ARMC9: variants seen among roughly 807,000 people sequenced by gnomAD.
ARMC9 encodes lisH domain-containing protein ARMC9.
ARMC9 carries 94 observed loss-of-function variants against 107.0 expected under a neutral mutation model. The observed-to-expected ratio is 0.88, with a 90% confidence interval of 0.74 to 1.04. The LOEUF (loss-of-function observed/expected upper bound fraction) is 1.04, where lower values mean the gene tolerates loss of function less well. ARMC9 is among the 50% of genes least tolerant of loss of function. The pLI is 0.00. For missense variants in ARMC9, 942 were observed against 1,030.1 expected (o/e 0.91, Z 1.17); for synonymous variants, 380 against 396.9 (o/e 0.96, Z 0.51).
At chr2:231,330,282 C>T (rs947878936) in intron 19 of ARMC9, among the ~76,000 whole-genome samples, 4 of 143,166 alleles carry the variant, frequency 2.8e-5, no homozygotes, top group African/African-American at 1.0e-4. Context: ...GACTGAAGTA[C>T]GATGGCGCAA....
chr2:231,236,587 A>G (rs1227841494), intron 8 of ARMC9, among the ~76,000 whole-genome samples: 1 of 152,190 alleles, frequency 6.6e-6, no homozygotes, highest in African/African-American at 2.4e-5. Context: ...ACTTGAGGCC[A>G]GAAGTTTGAA....
chr2:231,290,406 G>A (rs984114204), intron 17 of ARMC9, among the ~76,000 whole-genome samples: 1 of 152,188 alleles, frequency 6.6e-6, no homozygotes, highest in East Asian at 1.9e-4. Context: ...TCATGTAACT[G>A]AAAAGTCCAG....
intron 12 of ARMC9, among the ~76,000 whole-genome samples, chr2:231,263,370 A>G (rs982329255): frequency 6.6e-6 from 1 of 152,256 alleles, no homozygotes; most frequent in African/African-American, 2.4e-5. Flanking sequence ...GAAGTCCAAG[A>G]GCATGGCGCC....
intron 21 of ARMC9, among the ~76,000 whole-genome samples, chr2:231,345,612 G>T (rs760341913): frequency 6.6e-6 from 1 of 152,142 alleles, no homozygotes; most frequent in Admixed American, 6.5e-5. Flanking sequence ...AGAGCCTCTG[G>T]TCTCCCTGGG....
At chr2:231,231,309 A>G (rs1357442660) in intron 7 of ARMC9, among the ~76,000 whole-genome samples, 2 of 152,226 alleles carry the variant, frequency 1.3e-5, no homozygotes, top group Non-Finnish European at 2.9e-5. Context: ...GATTATGAAT[A>G]GTATTCTGTA....
intron 6 of ARMC9, among the ~76,000 whole-genome samples, chr2:231,225,384 T>C (rs2034546895): frequency 6.6e-6 from 1 of 152,178 alleles, no homozygotes; most frequent in South Asian, 2.1e-4. Context: ...GAAACATACA[T>C]ATGTCCACAA....
chr2:231,312,166 G>T (rs1027450697), intron 19 of ARMC9, among the ~76,000 whole-genome samples: 1 of 152,134 alleles, frequency 6.6e-6, no homozygotes, highest in African/African-American at 2.4e-5. Context: ...GGCTTCATTC[G>T]GCTGGATGTC....
intron 23 of ARMC9, among the ~76,000 whole-genome samples, chr2:231,369,725 C>T (rs1348769225): frequency 1.3e-5 from 2 of 151,956 alleles, no homozygotes; most frequent in Non-Finnish European, 2.9e-5. Flanking sequence ...TCCTGAGGAG[C>T]TGGAATTACA....
chr2:231,342,671 G>A (rs1024856144), intron 20 of ARMC9, among the ~76,000 whole-genome samples: 1 of 152,156 alleles, frequency 6.6e-6, no homozygotes, highest in African/African-American at 2.4e-5. Context: ...GGGGAAGTGG[G>A]GTGGAAGGGA....
intron 15 of ARMC9, 66 bp from the exon 16 acceptor site, chr2:231,278,316 A>G (rs1005821477): frequency 1.9e-5 from 29 of 1,518,672 alleles, no homozygotes; most frequent in Non-Finnish European, 2.5e-5. Flanking sequence ...CTCCAAGTCT[A>G]CCTGACCTAA....
In ARMC9 at chr2:231,376,107, T is replaced by TCCTGTCAG. The variant is rs1332416527; in HGVS notation, c.*4574_*4581dup. Reference sequence around the variant, plus strand: ...GCCTGTCTTTACTTTAATCTCTTAATCCTGTCAGCTGAGGGGGATGTATGT... The same window carrying TCCTGTCAG: ...GCCTGTCTTTACTTTAATCTCTTAATCCTGTCAGCCTGTCAGCTGAGGGGGATGTATGT... On this transcript the variant is annotated 3_prime_UTR_variant, in exon 25 of 25. Coordinates refer to ENST00000611582, the MANE Select transcript of ARMC9 (RefSeq NM_001352754.2). 6.6e-6 allele frequency among the ~76,000 whole-genome samples: 1 copy of TCCTGTCAG among 152,194 alleles called. No individual in the cohort carries two copies. The highest frequency in any genetic ancestry group is 6.5e-5 in the Admixed American group (1 of 15,276).
intron 19 of ARMC9, among the ~76,000 whole-genome samples, chr2:231,301,929 A>G (rs1267873911): frequency 6.6e-6 from 1 of 152,108 alleles, no homozygotes; most frequent in Non-Finnish European, 1.5e-5. Context: ...CAGTGATCCA[A>G]CATCACGCCG....
rs576170640 is a variant in ARMC9 at position 231,317,875 on chromosome 2, G to A, written c.1774-13918G>A. On this transcript the variant is annotated intron_variant, in intron 19 of 24. Coordinates refer to ENST00000611582, the MANE Select transcript of ARMC9 (RefSeq NM_001352754.2). ...GTCTATTTTTCTGTTGAGATTTCCC[G>A]TTTTTCACTGATTTTCAGTATTTTT... Among the ~76,000 whole-genome samples the A allele has an allele frequency of 2.2e-4, 34 of 151,804 alleles. 1 individual carries two copies. Among genetic ancestry groups the A allele is most frequent in the African/African-American group, 4.4e-4 (18 of 41,372 alleles).
chr2:231,282,038 G>T (rs557514699), intron 16 of ARMC9, 21 bp from the exon 17 acceptor site: 59 of 1,611,836 alleles, frequency 3.7e-5, no homozygotes, highest in South Asian at 3.4e-4. Context: ...CAAATAACTG[G>T]TTTTTTTCCT....
At chr2:231,369,890 G>A (rs923584436) in intron 23 of ARMC9, 63 bp from the exon 24 acceptor site, 23 of 1,369,130 alleles carry the variant, frequency 1.7e-5, no homozygotes, top group East Asian at 8.5e-5. Flanking sequence ...CACCACACCC[G>A]GCCCCTCCTG....
At chr2:231,233,606 G>A (rs555608435) in intron 7 of ARMC9, among the ~76,000 whole-genome samples, 30 of 152,060 alleles carry the variant, frequency 2.0e-4, no homozygotes, top group African/African-American at 6.0e-4. Context: ...AAGAAACCCC[G>A]TCTGTACTAA....
intron 4 of ARMC9, 181 bp downstream of exon 4, chr2:231,215,182 A>G (rs371777217): frequency 1.7e-5 from 10 of 591,728 alleles, no homozygotes; most frequent in South Asian, 6.9e-5. Context: ...TTATATTCTA[A>G]TTTCTATGGA....
Position 231,371,631 on chromosome 2 carries a change from G to A in ARMC9, c.*96G>A, listed in dbSNP as rs927161098. ...TGCCGGTGATGGATGTGAAGGGACA[G>A]TTGTCCACAAGACTCTGGGAGCTGA... On this transcript the variant is annotated 3_prime_UTR_variant, in exon 25 of 25. Coordinates refer to ENST00000611582, the MANE Select transcript of ARMC9 (RefSeq NM_001352754.2). 15 of 1,160,754 alleles carry A rather than the reference G, an allele frequency of 1.3e-5. No individual in the cohort carries two copies. In the African/African-American group the frequency reaches 2.1e-4, roughly 16 times the overall value. The allele number at this position is 1,160,754 out of a possible 1,614,324, so 71.9% of individuals were successfully genotyped here.
chr2:231,259,942 G>A (rs556799522), intron 11 of ARMC9, among the ~76,000 whole-genome samples: 251 of 152,300 alleles, frequency 1.6e-3, no homozygotes, highest in Middle Eastern at 0.01. Flanking sequence ...GTTGCAGTGA[G>A]CCAAGATCAC....
Sources: gnomAD v4.1 joint callset for allele counts (sites outside exome capture counted in the v4.1 genomes callset) on GRCh38, gnomAD v4.1.1 for gene constraint, MANE v1.5 for transcripts, NCBI Gene and HGNC (gene_info 2026-07-23, HGNC 2026-07-21) for gene names.